Variants in EXD3 observed in about 807,000 individuals in gnomAD.
EXD3 encodes the protein exonuclease mut-7 homolog.
EXD3 carries 92 observed loss-of-function variants against 98.0 expected under a neutral mutation model. The ratio of observed to expected loss-of-function variants is 0.94; its 90% CI spans 0.79 to 1.12. EXD3 has a LOEUF of 1.12. EXD3 is among the 50% of genes most tolerant of loss of function. The probability of loss-of-function intolerance (pLI) is 0.00; values close to 1 mark genes in which losing one functional copy is unlikely to be tolerated. For synonymous variants in EXD3, 569 were observed against 526.0 expected, an observed-to-expected ratio of 1.08 and a Z score of -1.12; for missense variants, 1,222 against 1,191.6, an observed-to-expected ratio of 1.03 and a Z score of -0.38.
rs915359403 is a variant in EXD3 at position 137,385,147 on chromosome 9, G to A, written c.56-1770C>T. ...TGGGGCGCCCAGGCTCCACCATGGC[G>A]TCTCTGCAGCCACCTGGGCCTGGGT... On this transcript the variant is annotated intron_variant, in intron 2 of 21. Transcript: ENST00000340951. The surrounding 1 kb of genome is among the most constrained non-coding windows in gnomAD (Gnocchi z 4.4). 5.3e-5 allele frequency among the ~76,000 whole-genome samples: 8 copies of A among 152,210 alleles called. No homozygotes were observed. The highest frequency in any genetic ancestry group is 1.3e-4 in the Admixed American group (2 of 15,288).
chr9:137,317,358 A>G (rs1257869598), intron 19 of EXD3, among the ~76,000 whole-genome samples: 2 of 152,092 alleles, frequency 1.3e-5, no homozygotes, highest in Non-Finnish European at 2.9e-5. Context: ...CACCCCGAGG[A>G]CAGCCTGCCC....
chr9:137,395,135 G>A lies in EXD3; in HGVS notation c.55+168C>T, dbSNP rs1364652359. Among the ~76,000 whole-genome samples the A allele has an allele frequency of 6.6e-6, 1 of 152,044 alleles. No individual in the cohort carries two copies. Among genetic ancestry groups the A allele is most frequent in the African/African-American group, 2.4e-5 (1 of 41,386 alleles). On this transcript the variant is annotated intron_variant, in intron 2 of 21. Coordinates refer to ENST00000340951, the MANE Select transcript of EXD3 (RefSeq NM_017820.5). This position sits in a 1 kb window ranked among gnomAD's most constrained non-coding sequence, Gnocchi z 6.5. ...CAACAAGGCCACAGTGGGGCCTCCG[G>A]ACTCACAAGGTCCCAAGCCGTGGAC...
At chr9:137,388,209 C>CA (rs1329888220) in intron 2 of EXD3, among the ~76,000 whole-genome samples, 1 of 152,130 alleles carries the variant, frequency 6.6e-6, no homozygotes. Flanking sequence ...TGGCTTCCCC[C>CA]CCAGCCACCC....
chr9:137,362,717 T>C (rs183331850), intron 7 of EXD3, among the ~76,000 whole-genome samples: 1 of 152,216 alleles, frequency 6.6e-6, no homozygotes, highest in Non-Finnish European at 1.5e-5. Flanking sequence ...TTTTGAGAGA[T>C]CTTTGTATAT....
At chr9:137,330,239 ACAGGAGCTACACAGGGCTCCAC>A (rs1677385171) in intron 17 of EXD3, among the ~76,000 whole-genome samples, 1 of 143,788 alleles carries the variant, frequency 7.0e-6, no homozygotes, top group African/African-American at 2.7e-5. Flanking sequence ...ACAGGACTAC[ACAGGAGCTACACAGGGCTCCAC>A]AGGAGCTACA....
intron 19 of EXD3, among the ~76,000 whole-genome samples, chr9:137,320,941 G>A (rs559719674): frequency 3.3e-5 from 5 of 152,340 alleles, no homozygotes; most frequent in South Asian, 2.1e-4. Flanking sequence ...GGCAGCGGAC[G>A]CGGTTCCTGC....
intron 6 of EXD3, among the ~76,000 whole-genome samples, chr9:137,367,310 C>T (rs1835311094): frequency 6.6e-6 from 1 of 152,142 alleles, no homozygotes; most frequent in Non-Finnish European, 1.5e-5. Flanking sequence ...GCACCCATCG[C>T]CCGGAGCACA....
chr9:137,401,099 C>T (rs1837460559), intron 1 of EXD3, among the ~76,000 whole-genome samples: 1 of 151,904 alleles, frequency 6.6e-6, no homozygotes, highest in Non-Finnish European at 1.5e-5. Context: ...TTCTCACAGT[C>T]CCACTAGGCA....
At chr9:137,391,738 G>T (rs546486580) in intron 2 of EXD3, 1 of 152,226 alleles carries the variant, frequency 6.6e-6, no homozygotes, top group Non-Finnish European at 1.5e-5. Flanking sequence ...CTCAAGCGCC[G>T]CCTGGAAACC....
rs1413572108 is a variant in EXD3, at chr9:137,348,095, A to G, written c.1974T>C (p.Gly658=). The part of the protein sequence containing the change: ...LGVDARMLGN[G]EDHRRAAEVA... ...CCTCGGCCGCCCTGCGGTGGTCTTC[A>G]CCATTGCCCAGCATGCGTGCATCCA... The change falls in exon 17 of 22, where the codon GGT becomes GGC. Residue 658 remains glycine (G), a synonymous_variant. Transcript: ENST00000340951. The G allele has an allele frequency of 6.2e-7, 1 of 1,611,586 alleles. No individual in the cohort carries two copies. The highest frequency in any genetic ancestry group is 1.7e-5 in the Admixed American group (1 of 59,862).
chr9:137,392,762 CA>C (rs1836992449), intron 2 of EXD3: 2 of 318,580 alleles, frequency 6.3e-6, no homozygotes, highest in South Asian at 2.2e-5. Context: ...GAGGCTGTTC[CA>C]GGGGGCACCG....
At chr9:137,355,514 GGAGGAAGGAGGATGGAGGAA>G (rs1834636875) in intron 8 of EXD3, among the ~76,000 whole-genome samples, 1 of 83,028 alleles carries the variant, frequency 1.2e-5, no homozygotes, top group Non-Finnish European at 2.6e-5. Flanking sequence ...GAAGGAGGAA[GGAGGAAGGAGGATGGAGGAA>G]GGAGGAAGGA....
rs529341046 is a variant in EXD3, at chr9:137,411,112, T to C, written c.-48+12002A>G. 3.3e-5 allele frequency among the ~76,000 whole-genome samples: 5 copies of C among 152,050 alleles called. No homozygotes were observed. The South Asian group carries it at 6.2e-4, about 19-fold the overall frequency. Reference sequence around the variant, plus strand: ...AGGGCCCCTGGACCACCGCAGAACCTGTAGCAGATTCCGGCTGAGGCCCCG... The same window carrying C: ...AGGGCCCCTGGACCACCGCAGAACCCGTAGCAGATTCCGGCTGAGGCCCCG... On this transcript the variant is annotated intron_variant, in intron 1 of 21. Transcript: ENST00000340951.
chr9:137,387,498 TA>T (rs1326321325), intron 2 of EXD3, among the ~76,000 whole-genome samples: 1 of 152,062 alleles, frequency 6.6e-6, no homozygotes, highest in African/African-American at 2.4e-5. Context: ...TTCCTGTTCA[TA>T]CAACAGAAGA....
intron 1 of EXD3, among the ~76,000 whole-genome samples, chr9:137,402,353 G>C (rs1290372296): frequency 6.6e-6 from 1 of 152,148 alleles, no homozygotes; most frequent in Non-Finnish European, 1.5e-5. Context: ...GCTTTTGAAT[G>C]CTTTGCTGCT....
chr9:137,364,709 TTTC>T (rs1312825727), intron 7 of EXD3, among the ~76,000 whole-genome samples: 2 of 151,998 alleles, frequency 1.3e-5, no homozygotes, highest in Non-Finnish European at 2.9e-5. Context: ...GTATATTTCT[TTTC>T]TTCGCAATGA....
chr9:137,411,606 C>T, intron 1 of EXD3, among the ~76,000 whole-genome samples: 1 of 151,622 alleles, frequency 6.6e-6, no homozygotes, highest in Non-Finnish European at 1.5e-5. Context: ...GTGGCCATGG[C>T]AGGCCAGCGG....
At chr9:137,353,651 C>A in intron 10 of EXD3, 2 of 985,806 alleles carry the variant, frequency 2.0e-6, no homozygotes, top group Non-Finnish European at 2.4e-6. Context: ...TACAGGCCTG[C>A]GGGACCCTCA....
rs1025395763 is a variant in EXD3 at position 137,349,899 on chromosome 9, C to T, written c.1495-368G>A. 2.0e-5 allele frequency among the ~76,000 whole-genome samples: 3 copies of T among 152,028 alleles called. No homozygotes were observed. Among genetic ancestry groups the T allele is most frequent in the South Asian group, 2.1e-4 (1 of 4,834 alleles). ...TGTGCCGTGCATAAAACAGCAGAAA[C>T]GCAGACAAAATGCAGCGAAACCACC... On this transcript the variant is annotated intron_variant, in intron 14 of 21. Coordinates refer to ENST00000340951, the MANE Select transcript of EXD3 (RefSeq NM_017820.5). The surrounding 1 kb of genome is among the most constrained non-coding windows in gnomAD (Gnocchi z 7.4).
Sources: gnomAD v4.1 joint callset for allele counts (sites outside exome capture counted in the v4.1 genomes callset) on GRCh38, gnomAD v4.1.1 for gene constraint, Gnocchi (gnomAD v3.1) non-coding constraint, MANE v1.5 for transcripts, NCBI Gene and HGNC (gene_info 2026-07-23, HGNC 2026-07-21) for gene names.